The following KCNH1 variants were observed in gnomAD, a reference collection of about 807,000 sequenced individuals.
The protein encoded by KCNH1 is potassium voltage-gated channel subfamily H member 1, also known as voltage-gated delayed rectifier potassium channel KCNH1.
A neutral mutation model predicts 69.2 loss-of-function variants in KCNH1; 27 were observed. That is an observed-to-expected ratio of 0.39 (90% CI 0.29 to 0.54). The LOEUF is 0.54. Ranked by LOEUF, KCNH1 falls within the 20% of genes least tolerant of loss-of-function variation. The pLI is 0.68. For missense variants in KCNH1, 798 were observed against 1,261.6 expected (o/e 0.63, Z 5.57); for synonymous variants, 456 against 487.7 (o/e 0.93, Z 0.86).
intron 7 of KCNH1, among the ~76,000 whole-genome samples, chr1:210,880,720 G>A (rs1235560759): frequency 1.3e-5 from 2 of 152,054 alleles, no homozygotes; most frequent in Non-Finnish European, 2.9e-5. Flanking sequence ...AAGAAATAAC[G>A]GATAAGGTGG....
intron 10 of KCNH1, among the ~76,000 whole-genome samples, chr1:210,755,931 G>T (rs1683390877): frequency 6.6e-6 from 1 of 152,144 alleles, no homozygotes; most frequent in South Asian, 2.1e-4. Flanking sequence ...TTTCATAATT[G>T]CTTTTTATGA....
chr1:210,950,828 G>A (rs941690275), intron 6 of KCNH1, among the ~76,000 whole-genome samples: 7 of 152,154 alleles, frequency 4.6e-5, no homozygotes, highest in Non-Finnish European at 7.4e-5. Flanking sequence ...AGAAACAACT[G>A]ACAAATACTG....
chr1:210,971,516 C>A (rs368385832), intron 6 of KCNH1, among the ~76,000 whole-genome samples: 1 of 152,090 alleles, frequency 6.6e-6, no homozygotes, highest in African/African-American at 2.4e-5. Context: ...AGGCACATTA[C>A]CTCCTATTTT....
At chr1:210,793,436 T>A (rs1273853045) in intron 9 of KCNH1, among the ~76,000 whole-genome samples, 2 of 152,270 alleles carry the variant, frequency 1.3e-5, no homozygotes, top group East Asian at 3.8e-4. Context: ...CTTGTATATG[T>A]ATTCATTTGC....
At chr1:211,042,711 T>C (rs909850719) in intron 5 of KCNH1, among the ~76,000 whole-genome samples, 2 of 152,188 alleles carry the variant, frequency 1.3e-5, no homozygotes, top group South Asian at 2.1e-4. Flanking sequence ...ATAGACCATA[T>C]GATAGGCCAC....
At chr1:211,025,879 T>C (rs1045752622) in intron 5 of KCNH1, among the ~76,000 whole-genome samples, 1 of 152,106 alleles carries the variant, frequency 6.6e-6, no homozygotes, top group African/African-American at 2.4e-5. Flanking sequence ...CAGCTGTAAA[T>C]CATGTGCTTA....
intron 6 of KCNH1, among the ~76,000 whole-genome samples, chr1:210,940,692 C>A (rs1048209293): frequency 6.6e-6 from 1 of 152,132 alleles, no homozygotes. Flanking sequence ...CTTCTAGAGG[C>A]CTGAAAACTG....
Position 210,681,316 on chromosome 1 carries a change from C to T in KCNH1, c.*1965G>A, listed in dbSNP as rs1164532885. ...TATTCAAAGTCACAGATAGTTGTGA[C>T]TCGGCCTTAGGAAATTAGACTTCCT... On this transcript the variant is annotated 3_prime_UTR_variant, in exon 11 of 11. Transcript: ENST00000271751. 1 of 152,230 alleles carries T rather than the reference C, an allele frequency of 6.6e-6. No homozygotes were observed. Among genetic ancestry groups the T allele is most frequent in the Non-Finnish European group, 1.5e-5 (1 of 68,050 alleles). The allele number at this position is 152,230 out of a possible 1,614,324, so 9.4% of individuals were successfully genotyped here.
chr1:210,703,304 T>G (rs1200771643), intron 10 of KCNH1, among the ~76,000 whole-genome samples: 2 of 152,196 alleles, frequency 1.3e-5, no homozygotes, highest in Admixed American at 1.3e-4. Context: ...AAAAGGAAAT[T>G]TAAATGACTG....
At chr1:211,032,448 T>C (rs1349933986) in intron 5 of KCNH1, among the ~76,000 whole-genome samples, 1 of 152,120 alleles carries the variant, frequency 6.6e-6, no homozygotes, top group Admixed American at 6.5e-5. Context: ...GAGCCGGCAT[T>C]GCCAAGTCAA....
Position 210,970,344 on chromosome 1 carries a change from T to C in KCNH1, c.1032+48439A>G, listed in dbSNP as rs545234071. Among the ~76,000 whole-genome samples, 10 of 152,092 alleles carry C rather than the reference T, an allele frequency of 6.6e-5. 1 individual carries two copies. Among genetic ancestry groups the C allele is most frequent in the Non-Finnish European group, 1.0e-4 (7 of 67,996 alleles). On this transcript the variant is annotated intron_variant, in intron 6 of 10. Transcript: ENST00000271751. ...GTGTTCTCATTGTTCAACTCCCACTTATGAGTGAGAACATGTGGTGTTTGT... is the reference window on the plus strand; with the variant it reads ...GTGTTCTCATTGTTCAACTCCCACTCATGAGTGAGAACATGTGGTGTTTGT...
chr1:210,863,487 T>C (rs1308250336), intron 7 of KCNH1, among the ~76,000 whole-genome samples: 1 of 152,190 alleles, frequency 6.6e-6, no homozygotes, highest in Non-Finnish European at 1.5e-5. Context: ...GGGCAACATG[T>C]AGTCACCAGA....
chr1:210,722,168 A>T (rs1682484971), intron 10 of KCNH1, among the ~76,000 whole-genome samples: 1 of 152,246 alleles, frequency 6.6e-6, no homozygotes, highest in Admixed American at 6.5e-5. Context: ...TTACACATTA[A>T]GCCTAGAAAG....
chr1:210,944,257 T>A (rs1687920639), intron 6 of KCNH1, among the ~76,000 whole-genome samples: 1 of 152,230 alleles, frequency 6.6e-6, no homozygotes, highest in South Asian at 2.1e-4. Flanking sequence ...GTGGCAGTAG[T>A]GGCATTAGTT....
Position 210,845,059 on chromosome 1 carries a change from C to A in KCNH1, c.1463-40893G>T, listed in dbSNP as rs1574291462. ...GTTGAATCTCTGAATAGACCAATAA[C>A]CGGCTCTGAAATTGAGGCAATAATC... On this transcript the variant is annotated intron_variant, in intron 7 of 10. Coordinates refer to ENST00000271751, the MANE Select transcript of KCNH1 (RefSeq NM_172362.3). Among the ~76,000 whole-genome samples the A allele has an allele frequency of 2.0e-5, 3 of 152,178 alleles. No homozygotes were observed. The South Asian group carries it at 6.2e-4, about 31-fold the overall frequency.
chr1:210,702,620 C>T (rs1271792319), intron 10 of KCNH1, among the ~76,000 whole-genome samples: 1 of 152,148 alleles, frequency 6.6e-6, no homozygotes, highest in African/African-American at 2.4e-5. Flanking sequence ...ATTATCTCTA[C>T]AGTCACTGGG....
chr1:210,860,492 C>T, intron 7 of KCNH1: 1 of 837,838 alleles, frequency 1.2e-6, no homozygotes. Flanking sequence ...CCTTCTTCAT[C>T]TGGCCCTGTC....
At chr1:211,060,400 CAAAAAAAAAAAAA>C (rs60620622) in intron 5 of KCNH1, among the ~76,000 whole-genome samples, 3 of 44,326 alleles carry the variant, frequency 6.8e-5, no homozygotes, top group Admixed American at 3.8e-4. Context: ...GACTCCGTCT[CAAAAAAAAAAAAA>C]AAAAAAAAAA....
intron 7 of KCNH1, chr1:210,860,716 T>C: frequency 3.9e-6 from 3 of 778,530 alleles, no homozygotes; most frequent in Non-Finnish European, 7.1e-6. Flanking sequence ...GATAAATACT[T>C]GAAGGACAAT....
Sources: allele counts gnomAD v4.1 joint callset (sites outside exome capture counted in the v4.1 genomes callset), GRCh38; gene constraint gnomAD v4.1.1; transcripts MANE v1.5; gene names NCBI Gene and HGNC (gene_info 2026-07-23, HGNC 2026-07-21).